TAF10: variants seen among roughly 807,000 people sequenced by gnomAD.
TAF10 encodes the protein TATA-box binding protein associated factor 10.
A neutral mutation model predicts 18.1 loss-of-function variants in TAF10; 2 were observed. That is an observed-to-expected ratio of 0.11 (90% CI 0.05 to 0.35). The LOEUF is 0.35. TAF10 is among the 10% of genes least tolerant of loss of function. The pLI, the probability that TAF10 is intolerant of heterozygous loss-of-function variation, is 1.00. For missense variants in TAF10, 293 were observed against 306.9 expected, an observed-to-expected ratio of 0.95 and a Z score of 0.34; for synonymous variants, 158 against 134.6, an observed-to-expected ratio of 1.17 and a Z score of -1.20.
Position 6,612,136 on chromosome 11 carries a change from G to C in TAF10, c.54C>G (p.Ala18=). ...CCGGGGGCGCGGGGCCCGGGGCCGA[G>C]GCGGCGGAGGCCGGCGCCGCCTCGG... The part of the protein sequence containing the change: ...ADPEAAPASA[A]SAPGPAPPVS... Residue 18 remains alanine, a synonymous_variant, in exon 1 of 5, where the codon GCC becomes GCG. Transcript: ENST00000299424. The C allele has an allele frequency of 8.3e-7, 1 of 1,202,730 alleles. No individual in the cohort carries two copies. The highest frequency in any genetic ancestry group is 1.0e-6 in the Non-Finnish European group (1 of 970,972). The allele number at this position is 1,202,730 out of a possible 1,614,324, so 74.5% of individuals were successfully genotyped here.
chr11:6,610,866 G>C lies in TAF10; in HGVS notation c.*56C>G. 6.3e-7 allele frequency: 1 copy of C among 1,587,884 alleles called. No homozygotes were observed. Among genetic ancestry groups the C allele is most frequent in the Non-Finnish European group, 8.6e-7 (1 of 1,156,438 alleles). ...CGCCTGTCACAATAAAGTTTATTAT[G>C]AAAACAGGCTGGTGTGGGGACATGG... On this transcript the variant is annotated 3_prime_UTR_variant, in exon 5 of 5. Transcript: ENST00000299424.
At position 6,610,173 on chromosome 11, in the gene TAF10, A is replaced by G; in HGVS notation, c.*749T>C. 1 of 1,614,232 alleles carries G rather than the reference A, an allele frequency of 6.2e-7. No homozygotes were observed. Among genetic ancestry groups the G allele is most frequent in the Non-Finnish European group, 8.5e-7 (1 of 1,180,032 alleles). ...CTCTGCAGAAGAAGCCTGAAGACAC[A>G]AACAGACGCTCAGCAGACATGTGGA... is the stretch of plus-strand genomic sequence containing the variant. On this transcript the variant is annotated 3_prime_UTR_variant, in exon 5 of 5. Transcript: ENST00000299424.
chr11:6,607,983 C>T lies in TAF10; in HGVS notation c.*2939G>A. On this transcript the variant is annotated 3_prime_UTR_variant, in exon 5 of 5. Coordinates refer to ENST00000299424, the MANE Select transcript of TAF10 (RefSeq NM_006284.4). ...AGAGAGTATGTAATTATCAGTTTTT[C>T]AGGAATCAAAACCTTTGCCCCATCC... 1 of 1,546,286 alleles carries T rather than the reference C, an allele frequency of 6.5e-7. No homozygotes were observed. Among genetic ancestry groups the T allele is most frequent in the South Asian group, 1.1e-5 (1 of 89,010 alleles).
Position 6,609,478 on chromosome 11 carries a change from G to T in TAF10, c.*1444C>A, listed in dbSNP as rs769653849. Reference sequence around the variant, plus strand: ...TGAATAGCACTGAAAGAGATCTTTTGTACTGGGTCTCAACCACTCCCTCCC... The same window carrying T: ...TGAATAGCACTGAAAGAGATCTTTTTTACTGGGTCTCAACCACTCCCTCCC... On this transcript the variant is annotated 3_prime_UTR_variant, in exon 5 of 5. Transcript: ENST00000299424. 2.5e-6 allele frequency: 4 copies of T among 1,614,100 alleles called. No homozygotes were observed. In the South Asian group the frequency reaches 4.4e-5, roughly 18 times the overall value.
chr11:6,611,665 G>A lies in TAF10; in HGVS notation c.386C>T (p.Thr129Met). The change falls in exon 2 of 5, where the codon ACG becomes ATG. Residue 129 changes from threonine to methionine, a missense_variant and splice_region_variant. Coordinates refer to ENST00000299424, the MANE Select transcript of TAF10 (RefSeq NM_006284.4). ...GGCCTTGTTCGGGCGGAAGCCCACC[G>A]TAGGCGTGTAATCTTCCAGCTGCAT... The part of the protein sequence containing the change: ...FLMQLEDYTP[T>M]IPDAVTGYYL... 1.9e-6 allele frequency: 3 copies of A among 1,585,168 alleles called. No individual in the cohort carries two copies. The highest frequency in any genetic ancestry group is 2.6e-6 in the Non-Finnish European group (3 of 1,164,162).
chr11:6,609,778 GC>G lies in TAF10; in HGVS notation c.*1143del. 1 of 1,614,152 alleles carries G rather than the reference GC, an allele frequency of 6.2e-7. No homozygotes were observed. Among genetic ancestry groups the G allele is most frequent in the South Asian group, 1.1e-5 (1 of 91,082 alleles). On this transcript the variant is annotated 3_prime_UTR_variant, in exon 5 of 5. Coordinates refer to ENST00000299424, the MANE Select transcript of TAF10 (RefSeq NM_006284.4). ...AAGTTTGCTTTGGACATGGCAAGGGGCATGGCCTTCCTACACACACTAGAGC... is the reference window on the plus strand; with the variant it reads ...AAGTTTGCTTTGGACATGGCAAGGGGATGGCCTTCCTACACACACTAGAGC...
rs1026538367 is a variant in TAF10, at chr11:6,612,161, G to C, written c.29C>G (p.Pro10Arg). 2.5e-6 allele frequency: 3 copies of C among 1,186,052 alleles called. No individual in the cohort carries two copies. The highest frequency in any genetic ancestry group is 3.1e-6 in the Non-Finnish European group (3 of 959,620). The allele number at this position is 1,186,052 out of a possible 1,614,324, so 73.5% of individuals were successfully genotyped here. ...GGCGGCGGAGGCCGGCGCCGCCTCGGGGTCCGCGCCGGAGCCGCTGCAGCT... is the reference window on the plus strand; with the variant it reads ...GGCGGCGGAGGCCGGCGCCGCCTCGCGGTCCGCGCCGGAGCCGCTGCAGCT... MSCSGSGAD[P>R]EAAPASAASA... Residue 10 changes from proline (P) to arginine (R), a missense_variant, in exon 1 of 5, where the codon CCC becomes CGC. Coordinates refer to ENST00000299424, the MANE Select transcript of TAF10 (RefSeq NM_006284.4).
chr11:6,609,107 T>G lies in TAF10; in HGVS notation c.*1815A>C. On this transcript the variant is annotated 3_prime_UTR_variant, in exon 5 of 5. Transcript: ENST00000299424. ...CTGAACAAACACTCTGGCATTGACT[T>G]CAAACAGCTTAACTTCCTGACGAAG... 6.2e-7 allele frequency: 1 copy of G among 1,614,212 alleles called. No homozygotes were observed. The highest frequency in any genetic ancestry group is 8.5e-7 in the Non-Finnish European group (1 of 1,180,032).
Position 6,608,034 on chromosome 11 carries a change from C to A in TAF10, c.*2888G>T. 6.2e-7 allele frequency: 1 copy of A among 1,613,690 alleles called. No individual in the cohort carries two copies. Among genetic ancestry groups the A allele is most frequent in the Non-Finnish European group, 8.5e-7 (1 of 1,179,930 alleles). ...CACCTCCAGCTCAATGACCATTGCC[C>A]CTTCCTCAAAGGGACGATCATGGCT... On this transcript the variant is annotated 3_prime_UTR_variant, in exon 5 of 5. Transcript: ENST00000299424. This position sits in a 1 kb window ranked among gnomAD's most constrained non-coding sequence, Gnocchi z 4.9.
Position 6,607,209 on chromosome 11 carries a change from C to T in TAF10, c.*3713G>A, listed in dbSNP as rs2134544506. The T allele has an allele frequency of 6.6e-6, 1 of 152,414 alleles. No homozygotes were observed. Among genetic ancestry groups the T allele is most frequent in the Non-Finnish European group, 1.5e-5 (1 of 68,080 alleles). The allele number at this position is 152,414 out of a possible 1,614,324, so 9.4% of individuals were successfully genotyped here. A position where few individuals can be genotyped will look rare whatever the true frequency, so the allele number is the denominator to read the frequency against. ...ACTGGAGGGAATTTCCTTTTATGGC[C>T]CCAGGCTGTCAGGCAGGCCCAGCTC... On this transcript the variant is annotated 3_prime_UTR_variant, in exon 5 of 5. Transcript: ENST00000299424.
Position 6,607,609 on chromosome 11 carries a change from A to G in TAF10, c.*3313T>C, listed in dbSNP as rs1031781394. ...AACATGCACTGAACAGCTGCTGTCA[A>G]TCCATTCCCTCAAGAAACTTAAAGG... is the stretch of plus-strand genomic sequence containing the variant. On this transcript the variant is annotated 3_prime_UTR_variant, in exon 5 of 5. Coordinates refer to ENST00000299424, the MANE Select transcript of TAF10 (RefSeq NM_006284.4). 5 of 255,396 alleles carry G rather than the reference A, an allele frequency of 2.0e-5. No homozygotes were observed. The Admixed American group carries it at 2.6e-4, about 13-fold the overall frequency. The allele number at this position is 255,396 out of a possible 1,614,324, so 15.8% of individuals were successfully genotyped here. A position where few individuals can be genotyped will look rare whatever the true frequency, so the allele number is the denominator to read the frequency against.
At position 6,609,731 on chromosome 11, in the gene TAF10, C is replaced by T. The variant is rs147558204; in HGVS notation, c.*1191G>A. On this transcript the variant is annotated 3_prime_UTR_variant, in exon 5 of 5. Transcript: ENST00000299424. ...ACTTTTGCCTCCTCTCAGATTTCGTCGTGGACCAGAGCCAGGCTGTGAAGT... is the reference window on the plus strand; with the variant it reads ...ACTTTTGCCTCCTCTCAGATTTCGTTGTGGACCAGAGCCAGGCTGTGAAGT... The T allele has an allele frequency of 1.9e-4, 304 of 1,614,174 alleles. No individual in the cohort carries two copies. Among genetic ancestry groups the T allele is most frequent in the South Asian group, 2.6e-4 (24 of 91,076 alleles).
rs1855417219 is a variant in TAF10 at position 6,610,684 on chromosome 11, A to C, written c.*238T>G. 2 of 1,588,072 alleles carry C rather than the reference A, an allele frequency of 1.3e-6. No homozygotes were observed. Among genetic ancestry groups the C allele is most frequent in the Non-Finnish European group, 1.7e-6 (2 of 1,158,618 alleles). Reference sequence around the variant, plus strand: ...GGGGAATGCACCTCCCCAAAGCAGCAGGCCTCTGGTTGCCTCCCCCGCCTC... The same window carrying C: ...GGGGAATGCACCTCCCCAAAGCAGCCGGCCTCTGGTTGCCTCCCCCGCCTC... On this transcript the variant is annotated 3_prime_UTR_variant, in exon 5 of 5. Transcript: ENST00000299424.
At chr11:6,611,333 G>T (rs1331893380) in intron 3 of TAF10, 30 bp from the exon 4 acceptor site, 1 of 1,613,920 alleles carries the variant, frequency 6.2e-7, no homozygotes, top group Non-Finnish European at 8.5e-7. Context: ...ATGAGAAGGA[G>T]ATGGACAACA....
Position 6,611,691 on chromosome 11 carries a change from C to T in TAF10, c.360G>A (p.Leu120=). The T allele has an allele frequency of 6.2e-7, 1 of 1,603,232 alleles. No homozygotes were observed. The change falls in exon 2 of 5, where the codon TTG becomes TTA. Residue 120 remains leucine, a synonymous_variant. Transcript: ENST00000299424. The part of the protein sequence containing the change: ...VVSSTPLVDF[L]MQLEDYTPTI... ...TAGGCGTGTAATCTTCCAGCTGCATCAAGAAGTCCACCAAAGGCGTGCTGG... is the reference window on the plus strand; with the variant it reads ...TAGGCGTGTAATCTTCCAGCTGCATTAAGAAGTCCACCAAAGGCGTGCTGG...
chr11:6,608,131 CG>C lies in TAF10; in HGVS notation c.*2790del, dbSNP rs1855119935. ...TGAGATGTTGATCATGCGGGGGGCA[CG>C]GATCAATGTAATGAACCGTGGGGAT... On this transcript the variant is annotated 3_prime_UTR_variant, in exon 5 of 5. Transcript: ENST00000299424. The surrounding 1 kb of genome is among the most constrained non-coding windows in gnomAD (Gnocchi z 4.9). The C allele has an allele frequency of 6.2e-7, 1 of 1,613,928 alleles. No homozygotes were observed. Among genetic ancestry groups the C allele is most frequent in the Admixed American group, 1.7e-5 (1 of 59,998 alleles).
At position 6,608,953 on chromosome 11, in the gene TAF10, C is replaced by A. The variant is rs372608079; in HGVS notation, c.*1969G>T. ...AAGGACACATTCTGGAAGGGGACCA[C>A]CCGCACTCGGCCCCGTGAGTCACCA... On this transcript the variant is annotated 3_prime_UTR_variant, in exon 5 of 5. Coordinates refer to ENST00000299424, the MANE Select transcript of TAF10 (RefSeq NM_006284.4). The surrounding 1 kb of genome is among the most constrained non-coding windows in gnomAD (Gnocchi z 4.9). 6.2e-7 allele frequency: 1 copy of A among 1,614,070 alleles called. No homozygotes were observed.
rs868090995 is a variant in TAF10 at position 6,609,161 on chromosome 11, C to A, written c.*1761G>T. The A allele has an allele frequency of 1.9e-6, 3 of 1,612,790 alleles. No homozygotes were observed. The highest frequency in any genetic ancestry group is 1.7e-6 in the Non-Finnish European group (2 of 1,178,882). ...AACGAGAATCACTCTGGAGAGGTGACCCCTGCCCTTCTTGCCCTTCCCTCA... is the reference window on the plus strand; with the variant it reads ...AACGAGAATCACTCTGGAGAGGTGAACCCTGCCCTTCTTGCCCTTCCCTCA... On this transcript the variant is annotated 3_prime_UTR_variant, in exon 5 of 5. Transcript: ENST00000299424.
chr11:6,607,715 G>A lies in TAF10; in HGVS notation c.*3207C>T, dbSNP rs146301445. On this transcript the variant is annotated 3_prime_UTR_variant, in exon 5 of 5. Coordinates refer to ENST00000299424, the MANE Select transcript of TAF10 (RefSeq NM_006284.4). ...TGAAGTAGGGGGACATATAAGATGT[G>A]GTGGAAAACAGAAAGGACCAATAGA... The A allele has an allele frequency of 2.3e-4, 87 of 373,486 alleles. No individual in the cohort carries two copies. The highest frequency in any genetic ancestry group is 1.6e-3 in the African/African-American group (79 of 48,142). The allele number at this position is 373,486 out of a possible 1,614,324, so 23.1% of individuals were successfully genotyped here.
Sources: allele counts gnomAD v4.1 joint callset, GRCh38; gene constraint gnomAD v4.1.1; non-coding constraint Gnocchi (gnomAD v3.1); transcripts MANE v1.5; gene names NCBI Gene and HGNC (gene_info 2026-07-23, HGNC 2026-07-21).